Variants in HSD17B12 observed in about 807,000 individuals in gnomAD.
HSD17B12 encodes the protein hydroxysteroid 17-beta dehydrogenase 12, also known as very-long-chain 3-oxoacyl-CoA reductase.
In HSD17B12, 32 loss-of-function variants were observed where a neutral mutation model predicts 39.3. The observed-to-expected ratio is 0.81, with a 90% CI of 0.61 to 1.09. HSD17B12 has a LOEUF of 1.09. Among genes scored for constraint, HSD17B12 ranks in the 50% least tolerant of loss-of-function variants. The probability of loss-of-function intolerance (pLI) is 0.00; values close to 1 mark genes in which losing one functional copy is unlikely to be tolerated. For synonymous variants in HSD17B12, 150 were observed against 146.7 expected (o/e 1.02, Z -0.16); for missense variants, 342 against 382.9 (o/e 0.89, Z 0.89).
intron 1 of HSD17B12, among the ~76,000 whole-genome samples, chr11:43,686,081 T>C (rs1949795898): frequency 6.6e-6 from 1 of 152,238 alleles, no homozygotes; most frequent in South Asian, 2.1e-4. Context: ...CGAATGCTAT[T>C]TTCTGTTTAT....
chr11:43,575,112 G>A, the HSD17B12 span, among the ~76,000 whole-genome samples: 3 of 152,188 alleles, frequency 2.0e-5, no homozygotes, highest in African/African-American at 7.2e-5. This position sits in a 1 kb window ranked among gnomAD's most constrained non-coding sequence, Gnocchi z 4.1. Flanking sequence ...CTGGCCATTT[G>A]CAAAGGGTTG....
chr11:43,686,883 C>G (rs1424422322), intron 1 of HSD17B12, among the ~76,000 whole-genome samples: 2 of 152,166 alleles, frequency 1.3e-5, no homozygotes, highest in Non-Finnish European at 2.9e-5. Flanking sequence ...GAGTTGATAT[C>G]TGGGTGACTA....
Position 43,838,328 on chromosome 11 carries a change from C to T in HSD17B12, c.548C>T (p.Ala183Val), listed in dbSNP as rs1209211671. 6.2e-7 allele frequency: 1 copy of T among 1,612,516 alleles called. No individual in the cohort carries two copies. The highest frequency in any genetic ancestry group is 1.7e-5 in the Admixed American group (1 of 59,986). ...LPGMVERSKG[A>V]ILNISSGSGM... is the part of the protein sequence containing the mutation. Reference sequence around the variant, plus strand: ...ATTTTCCTTTTTAGATCCAAAGGGGCTATTCTGAACATTTCATCTGGCAGT... The same window carrying T: ...ATTTTCCTTTTTAGATCCAAAGGGGTTATTCTGAACATTTCATCTGGCAGT... The change falls in exon 8 of 11, where the codon GCT (alanine) becomes GTT (valine). Residue 183 changes from alanine (A) to valine (V), a missense_variant. Physicochemically the swap from Ala to Val is moderately conservative, Grantham distance 64. Coordinates refer to ENST00000278353, the MANE Select transcript of HSD17B12 (RefSeq NM_016142.3).
At chr11:43,841,326 G>A (rs11037666) in intron 9 of HSD17B12, among the ~76,000 whole-genome samples, 5 of 152,106 alleles carry the variant, frequency 3.3e-5, no homozygotes, top group Non-Finnish European at 7.4e-5. Flanking sequence ...CTCCCACTTC[G>A]TGAGTTGCCA....
chr11:43,834,279 AAT>A, intron 7 of HSD17B12, among the ~76,000 whole-genome samples: 1 of 151,770 alleles, frequency 6.6e-6, no homozygotes, highest in East Asian at 1.9e-4. Context: ...TTTAAGCTTT[AAT>A]ATATATATAT....
intron 3 of HSD17B12, among the ~76,000 whole-genome samples, chr11:43,757,317 A>G (rs72892447): frequency 3.4e-4 from 52 of 152,254 alleles, no homozygotes; most frequent in Non-Finnish European, 7.1e-4. Context: ...TTCTCAAAGA[A>G]CTTAAGTGCA....
At chr11:43,825,158 G>C (rs1176751130) in intron 6 of HSD17B12, among the ~76,000 whole-genome samples, 3 of 151,952 alleles carry the variant, frequency 2.0e-5, no homozygotes, top group African/African-American at 7.2e-5. Context: ...GGAGTGGAGG[G>C]ACACAAACAT....
intron 3 of HSD17B12, among the ~76,000 whole-genome samples, chr11:43,786,073 G>A (rs148166533): frequency 9.0e-4 from 137 of 152,234 alleles, no homozygotes; most frequent in African/African-American, 3.2e-3. Context: ...TTCTTGAAGT[G>A]ACAAACTAAC....
At chr11:43,730,171 G>A (rs762054741) in intron 1 of HSD17B12, among the ~76,000 whole-genome samples, 1 of 152,058 alleles carries the variant, frequency 6.6e-6, no homozygotes, top group Non-Finnish European at 1.5e-5. Flanking sequence ...TGAAACTAAG[G>A]CTCAGAAATA....
intron 3 of HSD17B12, among the ~76,000 whole-genome samples, chr11:43,786,635 A>G (rs963280531): frequency 6.6e-6 from 1 of 152,236 alleles, no homozygotes; most frequent in African/African-American, 2.4e-5. Flanking sequence ...AGGGGAAAAA[A>G]GTTACTTGTA....
At chr11:43,602,426 C>A in the HSD17B12 span, among the ~76,000 whole-genome samples, 9 of 152,038 alleles carry the variant, frequency 5.9e-5, no homozygotes, top group African/African-American at 2.2e-4. Flanking sequence ...CAAATTTGGT[C>A]CTTTTGTACA....
At chr11:43,802,820 C>G (rs1312487055) in intron 4 of HSD17B12, among the ~76,000 whole-genome samples, 1 of 152,116 alleles carries the variant, frequency 6.6e-6, no homozygotes, top group Non-Finnish European at 1.5e-5. Flanking sequence ...GTTGATAAAC[C>G]CTGCTTTAAA....
chr11:43,780,727 G>C (rs973091294), intron 3 of HSD17B12, among the ~76,000 whole-genome samples: 6 of 152,108 alleles, frequency 3.9e-5, no homozygotes, highest in Admixed American at 3.3e-4. Flanking sequence ...GGCTCAGCAT[G>C]GTTCTTTAAT....
intron 2 of HSD17B12, among the ~76,000 whole-genome samples, chr11:43,753,473 A>G (rs1182038393): frequency 2.7e-5 from 4 of 146,298 alleles, no homozygotes; most frequent in African/African-American, 1.0e-4. Context: ...ACTGCAGTCT[A>G]AACTTCCTGG....
chr11:43,825,428 G>C (rs1487450257), intron 6 of HSD17B12, among the ~76,000 whole-genome samples: 1 of 152,152 alleles, frequency 6.6e-6, no homozygotes, highest in Non-Finnish European at 1.5e-5. Context: ...AATGCCAGTA[G>C]GGGGAGCCCT....
At chr11:43,605,925 C>G in the HSD17B12 span, among the ~76,000 whole-genome samples, 1 of 152,140 alleles carries the variant, frequency 6.6e-6, no homozygotes, top group Non-Finnish European at 1.5e-5. Context: ...TAAAGAGTTG[C>G]CTTTCATATT....
rs79729370 is a variant in HSD17B12, at chr11:43,832,471, C to G, written c.536+1461C>G. ...GTCAAAGAGTCACAGAAATCCAGTG[C>G]ATTAAATTAATTGACAGTAACTTCC... On this transcript the variant is annotated intron_variant, in intron 7 of 10. Transcript: ENST00000278353. Among the ~76,000 whole-genome samples, 94 of 152,246 alleles carry G rather than the reference C, an allele frequency of 6.2e-4. No homozygotes were observed. The East Asian group carries it at 0.015, about 24-fold the overall frequency.
chr11:43,614,400 G>T, the HSD17B12 span, among the ~76,000 whole-genome samples: 1 of 152,040 alleles, frequency 6.6e-6, no homozygotes, highest in Non-Finnish European at 1.5e-5. Context: ...CTCTGTATAT[G>T]TGTGCCTGGT....
the HSD17B12 span, among the ~76,000 whole-genome samples, chr11:43,601,683 TGTCCCATTCAGGACATGATGCTGGC>T: frequency 6.6e-6 from 1 of 152,226 alleles, no homozygotes; most frequent in Non-Finnish European, 1.5e-5. Context: ...TTCAGATTCA[TGTCCCATTCAGGACATGATGCTGGC>T]GTCTCCACTT....
Sources: allele counts gnomAD v4.1 joint callset (sites outside exome capture counted in the v4.1 genomes callset), GRCh38; gene constraint gnomAD v4.1.1; non-coding constraint Gnocchi (gnomAD v3.1); transcripts MANE v1.5; gene names NCBI Gene and HGNC (gene_info 2026-07-23, HGNC 2026-07-21).